The following POFUT2 variants were observed in gnomAD, a reference collection of about 807,000 sequenced individuals.
POFUT2 encodes protein O-fucosyltransferase 2, also known as GDP-fucose protein O-fucosyltransferase 2.
POFUT2 carries 30 observed loss-of-function variants against 55.0 expected under a neutral mutation model. That is an observed-to-expected ratio of 0.55 (90% CI 0.41 to 0.74). POFUT2 has a LOEUF of 0.74. Ranked by LOEUF, POFUT2 falls within the 30% of genes least tolerant of loss-of-function variation. POFUT2 has a pLI of 0.00. For missense variants in POFUT2, 524 were observed against 562.6 expected, an observed-to-expected ratio of 0.93 and a Z score of 0.69; for synonymous variants, 267 against 231.1, an observed-to-expected ratio of 1.16 and a Z score of -1.41.
intron 1 of POFUT2, among the ~76,000 whole-genome samples, chr21:45,286,147 A>G (rs1288863921): frequency 1.3e-5 from 2 of 152,236 alleles, no homozygotes; most frequent in African/African-American, 4.8e-5. Context: ...ACAATTAGCA[A>G]TAGTTCAACA....
In POFUT2 at chr21:45,277,798, C is replaced by T. The variant is rs1002214205; in HGVS notation, c.705+305G>A. 9 of 455,198 alleles carry T rather than the reference C, an allele frequency of 2.0e-5. No individual in the cohort carries two copies. The South Asian group carries it at 2.4e-4, about 12-fold the overall frequency. The allele number at this position is 455,198 out of a possible 1,614,324, so 28.2% of individuals were successfully genotyped here. ...GCTAAAGAGAGGAGAAAGGAGGGGT[C>T]TACGTTCCAGCCACTGACGGAGTCA... On this transcript the variant is annotated intron_variant, in intron 5 of 8. Coordinates refer to ENST00000349485, the MANE Select transcript of POFUT2 (RefSeq NM_133635.6). The surrounding 1 kb of genome is among the most constrained non-coding windows in gnomAD (Gnocchi z 6.9).
In POFUT2 at chr21:45,267,709, A is replaced by G. The variant is rs1372524958; in HGVS notation, c.1017T>C (p.Tyr339=). 6.2e-7 allele frequency: 1 copy of G among 1,613,958 alleles called. No homozygotes were observed. The highest frequency in any genetic ancestry group is 8.5e-7 in the Non-Finnish European group (1 of 1,179,894). ...CGGGTAACAGCTTTTTTAGCTCTTC[A>G]TATTCTGCAAAGTAGAAGGAGAGAC... ...FVATDAVRKE[Y]EELKKLLPEM... is the part of the protein sequence containing the mutation. The change falls in exon 8 of 9, where the codon TAT becomes TAC. Residue 339 remains tyrosine, a synonymous_variant. Coordinates refer to ENST00000349485, the MANE Select transcript of POFUT2 (RefSeq NM_133635.6). This position sits in a 1 kb window ranked among gnomAD's most constrained non-coding sequence, Gnocchi z 4.4.
Position 45,285,355 on chromosome 21 carries a change from G to C in POFUT2, c.382+323C>G, listed in dbSNP as rs956850554. On this transcript the variant is annotated intron_variant, in intron 2 of 8. Coordinates refer to ENST00000349485, the MANE Select transcript of POFUT2 (RefSeq NM_133635.6). The surrounding 1 kb of genome is among the most constrained non-coding windows in gnomAD (Gnocchi z 4.9). ...TGAACGTAAAACAGCCTTTCGCACA[G>C]GGAGCCGAGTCCTGTCACTATAACA... is the stretch of plus-strand genomic sequence containing the variant. 6 of 380,026 alleles carry C rather than the reference G, an allele frequency of 1.6e-5. No homozygotes were observed. The Admixed American group carries it at 1.9e-4, about 12-fold the overall frequency. 23.5% of individuals were successfully genotyped at this position (380,026 alleles called of 1,614,324 possible). A position where few individuals can be genotyped will look rare whatever the true frequency, so the allele number is the denominator to read the frequency against.
intron 1 of POFUT2, among the ~76,000 whole-genome samples, chr21:45,287,427 TC>T: frequency 1.1e-4 from 1 of 8,978 alleles, no homozygotes; most frequent in African/African-American, 5.4e-4. Flanking sequence ...ATCCCATCCC[TC>T]CTGGCCCCTG....
intron 1 of POFUT2, among the ~76,000 whole-genome samples, chr21:45,287,196 GGCCCCTGCCCCTGCCCCT>G (rs1217709805): frequency 1.6e-5 from 1 of 60,696 alleles, no homozygotes; most frequent in Non-Finnish European, 3.4e-5. Flanking sequence ...GCCCGGCCCC[GGCCCCTGCCCCTGCCCCT>G]GCCCCTGTCC....
chr21:45,285,527 G>T lies in POFUT2; in HGVS notation c.382+151C>A. The T allele has an allele frequency of 1.1e-6, 1 of 869,626 alleles. No individual in the cohort carries two copies. The highest frequency in any genetic ancestry group is 1.9e-6 in the Non-Finnish European group (1 of 533,544). 53.9% of individuals were successfully genotyped at this position (869,626 alleles called of 1,614,324 possible). On this transcript the variant is annotated intron_variant, in intron 2 of 8. Coordinates refer to ENST00000349485, the MANE Select transcript of POFUT2 (RefSeq NM_133635.6). This position sits in a 1 kb window ranked among gnomAD's most constrained non-coding sequence, Gnocchi z 4.9. ...GACTGTGCTCCTGAACGGAGGAGGT[G>T]CTGCCACAGGCCTCAGGCAGCAGCA...
At chr21:45,271,026 A>G (rs1323472363) in intron 6 of POFUT2, among the ~76,000 whole-genome samples, 1 of 152,142 alleles carries the variant, frequency 6.6e-6, no homozygotes, top group Non-Finnish European at 1.5e-5. Flanking sequence ...CTCCCCAGCA[A>G]TGGATCCAAA....
rs928404194 is a variant in POFUT2, at chr21:45,267,311, C to T, written c.1136+279G>A. Reference sequence around the variant, plus strand: ...AGAAACCGGGAATGATGGGAAAATGCGACACAAGAAGAGGTTCTGAGACGA... The same window carrying T: ...AGAAACCGGGAATGATGGGAAAATGTGACACAAGAAGAGGTTCTGAGACGA... On this transcript the variant is annotated intron_variant, in intron 8 of 8. Coordinates refer to ENST00000349485, the MANE Select transcript of POFUT2 (RefSeq NM_133635.6). The surrounding 1 kb of genome is among the most constrained non-coding windows in gnomAD (Gnocchi z 4.4). 32 of 1,471,084 alleles carry T rather than the reference C, an allele frequency of 2.2e-5. No individual in the cohort carries two copies. The highest frequency in any genetic ancestry group is 1.6e-4 in the African/African-American group (11 of 70,908). The allele number at this position is 1,471,084 out of a possible 1,614,324, so 91.1% of individuals were successfully genotyped here. A position where few individuals can be genotyped will look rare whatever the true frequency, so the allele number is the denominator to read the frequency against.
At chr21:45,286,434 A>C (rs2031414571) in intron 1 of POFUT2, among the ~76,000 whole-genome samples, 1 of 152,262 alleles carries the variant, frequency 6.6e-6, no homozygotes, top group South Asian at 2.1e-4. Flanking sequence ...TGATGTTCTT[A>C]ATTTTTGCAA....
chr21:45,267,834 A>C lies in POFUT2; in HGVS notation c.1013-121T>G, dbSNP rs1025895110. 5 of 829,814 alleles carry C rather than the reference A, an allele frequency of 6.0e-6. No homozygotes were observed. The highest frequency in any genetic ancestry group is 7.9e-6 in the Non-Finnish European group (4 of 506,706). The allele number at this position is 829,814 out of a possible 1,614,324, so 51.4% of individuals were successfully genotyped here. ...GTTAATTCGTTAGGAACTGGCTCCA[A>C]AGGTGCAGACACACAACTCAGCTTT... On this transcript the variant is annotated intron_variant, in intron 7 of 8. Transcript: ENST00000349485. This position sits in a 1 kb window ranked among gnomAD's most constrained non-coding sequence, Gnocchi z 4.4.
chr21:45,266,443 C>T (rs1009779913), intron 8 of POFUT2: 27 of 1,157,356 alleles, frequency 2.3e-5, no homozygotes, highest in Non-Finnish European at 2.5e-5. Flanking sequence ...CTGGGCCGAG[C>T]GCTTCGCGCA....
At chr21:45,273,541 T>C (rs1156816126) in intron 6 of POFUT2, among the ~76,000 whole-genome samples, 1 of 152,102 alleles carries the variant, frequency 6.6e-6, no homozygotes, top group Non-Finnish European at 1.5e-5. Context: ...ATATCCCTGA[T>C]GAACATAGAT....
Position 45,267,965 on chromosome 21 carries a change from G to A in POFUT2, c.1013-252C>T, listed in dbSNP as rs190417602. On this transcript the variant is annotated intron_variant, in intron 7 of 8. Coordinates refer to ENST00000349485, the MANE Select transcript of POFUT2 (RefSeq NM_133635.6). The surrounding 1 kb of genome is among the most constrained non-coding windows in gnomAD (Gnocchi z 4.4). ...GGGATCAAGAAGAAAGGAAAGAAAC[G>A]TGCTCCCTCTCCCTCTCCTTCTCCC... Among the ~76,000 whole-genome samples the A allele has an allele frequency of 2.4e-4, 37 of 152,128 alleles. No homozygotes were observed. Among genetic ancestry groups the A allele is most frequent in the African/African-American group, 8.4e-4 (35 of 41,528 alleles).
intron 6 of POFUT2, among the ~76,000 whole-genome samples, 157 bp downstream of exon 6, chr21:45,276,860 C>T (rs1276485104): frequency 1.3e-5 from 2 of 152,200 alleles, no homozygotes; most frequent in Non-Finnish European, 2.9e-5. Flanking sequence ...CTCCCGAGAG[C>T]AGGTCATTAC....
In POFUT2 at chr21:45,287,854, G is replaced by T. The variant is rs888986561; in HGVS notation, c.18C>A (p.Phe6Leu). MATLS[F>L]VFLLLGAVSW... The stretch of plus-strand genomic sequence containing the variant: ...ACACTGCCCCCAGCAGCAGGAAGAC[G>T]AAGCTGAGTGTCGCCATGGCCCCGG... The change falls in exon 1 of 9, where the codon TTC (phenylalanine) becomes TTA (leucine). Residue 6 changes from phenylalanine (F) to leucine (L), a missense_variant. Physicochemically the swap from Phe to Leu is conservative, Grantham distance 22. Transcript: ENST00000349485. 1.4e-6 allele frequency: 2 copies of T among 1,413,138 alleles called. No individual in the cohort carries two copies. The highest frequency in any genetic ancestry group is 5.8e-5 in the East Asian group (2 of 34,488). The allele number at this position is 1,413,138 out of a possible 1,614,324, so 87.5% of individuals were successfully genotyped here.
intron 7 of POFUT2, among the ~76,000 whole-genome samples, chr21:45,268,581 C>T (rs1255374312): frequency 7.3e-6 from 1 of 137,794 alleles, no homozygotes; most frequent in Non-Finnish European, 1.6e-5. Context: ...AAGTGAGGAG[C>T]GTCTCTGCCC....
Position 45,282,543 on chromosome 21 carries a change from G to A in POFUT2, c.528-84C>T. On this transcript the variant is annotated intron_variant, in intron 3 of 8. Transcript: ENST00000349485. The surrounding 1 kb of genome is among the most constrained non-coding windows in gnomAD (Gnocchi z 4.6). ...AATCAAGTCTAGACACGCACACACT[G>A]TGGCTTGCTCCTGATGAAACGCGGC... The A allele has an allele frequency of 3.8e-6, 3 of 792,122 alleles. No homozygotes were observed. The highest frequency in any genetic ancestry group is 1.4e-5 in the South Asian group (1 of 69,168). 49.1% of individuals were successfully genotyped at this position (792,122 alleles called of 1,614,324 possible).
chr21:45,279,700 A>G lies in POFUT2; in HGVS notation c.639-1531T>C, dbSNP rs145049052. On this transcript the variant is annotated intron_variant, in intron 4 of 8. Transcript: ENST00000349485. ...CATCCTCTTCTGGGTGGCATCCTAC[A>G]GTTTTACGCCCTCATGGTTCACACA... Among the ~76,000 whole-genome samples the G allele has an allele frequency of 7.2e-5, 11 of 152,334 alleles. No individual in the cohort carries two copies. In the East Asian group the frequency reaches 1.5e-3, roughly 21 times the overall value.
intron 1 of POFUT2, among the ~76,000 whole-genome samples, chr21:45,286,556 G>A (rs961780365): frequency 1.3e-5 from 2 of 152,226 alleles, no homozygotes; most frequent in Admixed American, 6.5e-5. Flanking sequence ...GCATTCATGA[G>A]AAGTGAAAAA....
Sources: allele counts gnomAD v4.1 joint callset (sites outside exome capture counted in the v4.1 genomes callset), GRCh38; gene constraint gnomAD v4.1.1; non-coding constraint Gnocchi (gnomAD v3.1); transcripts MANE v1.5; gene names NCBI Gene and HGNC (gene_info 2026-07-23, HGNC 2026-07-21).